The following SPAG16 variants were observed in gnomAD, a reference collection of about 807,000 sequenced individuals.
SPAG16 encodes sperm associated antigen 16, also known as sperm-associated antigen 16 protein.
A neutral mutation model predicts 80.4 loss-of-function variants in SPAG16; 86 were observed. The observed-to-expected ratio is 1.07, with a 90% CI of 0.90 to 1.28. The LOEUF (loss-of-function observed/expected upper bound fraction) is 1.28. Among genes scored for constraint, SPAG16 ranks in the 50% most tolerant of loss-of-function variants. The pLI is 0.00. For missense variants in SPAG16, 870 were observed against 765.3 expected (o/e 1.14, Z -1.61); for synonymous variants, 294 against 265.9 (o/e 1.11, Z -1.03).
At chr2:214,015,424 C>A (rs769245258) in intron 13 of SPAG16, among the ~76,000 whole-genome samples, 10 of 151,958 alleles carry the variant, frequency 6.6e-5, no homozygotes, top group Non-Finnish European at 1.0e-4. Flanking sequence ...CATGGTGAAA[C>A]CCCATCTCTA....
intron 12 of SPAG16, among the ~76,000 whole-genome samples, chr2:213,967,861 TGAA>T (rs2044786603): frequency 6.6e-6 from 1 of 152,322 alleles, no homozygotes; most frequent in East Asian, 1.9e-4. Context: ...TTATGGGACT[TGAA>T]GAACCATAGC....
At chr2:213,945,515 G>A (rs1305210084) in intron 12 of SPAG16, among the ~76,000 whole-genome samples, 2 of 151,948 alleles carry the variant, frequency 1.3e-5, no homozygotes, top group Admixed American at 1.3e-4. Flanking sequence ...TAGGCTGGGA[G>A]GCTAGGCCAG....
chr2:213,764,941 C>T (rs1446736097), intron 10 of SPAG16, among the ~76,000 whole-genome samples: 1 of 152,158 alleles, frequency 6.6e-6, no homozygotes, highest in Admixed American at 6.5e-5. Context: ...ATTATAAATG[C>T]TTGACTCAAG....
chr2:213,629,043 C>G (rs1030035697), intron 10 of SPAG16, among the ~76,000 whole-genome samples: 6 of 152,098 alleles, frequency 3.9e-5, no homozygotes, highest in Non-Finnish European at 1.5e-5. Flanking sequence ...AGAGCTCTGA[C>G]AGAGGTAAGG....
At chr2:213,304,476 T>C (rs1207779208) in intron 3 of SPAG16, among the ~76,000 whole-genome samples, 1 of 152,048 alleles carries the variant, frequency 6.6e-6, no homozygotes, top group Non-Finnish European at 1.5e-5. Flanking sequence ...AGAGTTTCTT[T>C]TGGGAGTTTT....
At chr2:213,957,646 T>A (rs1463777999) in intron 12 of SPAG16, among the ~76,000 whole-genome samples, 1 of 152,198 alleles carries the variant, frequency 6.6e-6, no homozygotes, top group East Asian at 1.9e-4. Context: ...CTTTTCCATA[T>A]ACCTTATAAA....
At chr2:213,810,961 G>T (rs892792242) in intron 10 of SPAG16, among the ~76,000 whole-genome samples, 7 of 152,288 alleles carry the variant, frequency 4.6e-5, no homozygotes, top group African/African-American at 1.7e-4. Context: ...GAGGATTGTG[G>T]TGTAGCTGTT....
intron 11 of SPAG16, among the ~76,000 whole-genome samples, chr2:213,908,823 G>A (rs536270872): frequency 2.7e-5 from 4 of 148,748 alleles, no homozygotes; most frequent in African/African-American, 9.9e-5. Flanking sequence ...TGCACAATGT[G>A]CAGGTTAGTT....
chr2:213,724,802 GAA>G (rs1221361058), intron 10 of SPAG16, among the ~76,000 whole-genome samples: 1 of 93,812 alleles, frequency 1.1e-5, no homozygotes, highest in Non-Finnish European at 1.8e-5. Flanking sequence ...AAAAAAAAAA[GAA>G]AAAAGGATAA....
intron 10 of SPAG16, among the ~76,000 whole-genome samples, chr2:213,748,965 G>A (rs1000090000): frequency 1.3e-5 from 2 of 152,074 alleles, no homozygotes; most frequent in Admixed American, 6.5e-5. Context: ...TGGCCAACAA[G>A]GTGAAACCCT....
intron 9 of SPAG16, among the ~76,000 whole-genome samples, chr2:213,466,238 C>G (rs982616291): frequency 7.2e-5 from 11 of 152,106 alleles, no homozygotes; most frequent in African/African-American, 2.7e-4. Flanking sequence ...AATAAAGTCC[C>G]CTTTATATAT....
intron 10 of SPAG16, among the ~76,000 whole-genome samples, chr2:213,643,346 TTTTATATATATATA>T (rs60365919): frequency 0.018 from 1,307 of 72,536 alleles, 190 homozygotes; most frequent in East Asian, 0.042. Context: ...TGGATCTTAA[TTTTATATATATATA>T]TATATATATA....
At chr2:213,948,318 T>C (rs887564903) in intron 12 of SPAG16, among the ~76,000 whole-genome samples, 1 of 152,122 alleles carries the variant, frequency 6.6e-6, no homozygotes, top group Non-Finnish European at 1.5e-5. Flanking sequence ...TGCATATAAT[T>C]CAAAATTTAA....
chr2:213,457,132 T>C (rs1292547201), intron 9 of SPAG16, among the ~76,000 whole-genome samples: 1 of 152,234 alleles, frequency 6.6e-6, no homozygotes, highest in Admixed American at 6.5e-5. Context: ...CACTTAACGT[T>C]GCATGTTTTT....
At chr2:213,369,989 C>T (rs1468536815) in intron 8 of SPAG16, among the ~76,000 whole-genome samples, 2 of 152,120 alleles carry the variant, frequency 1.3e-5, no homozygotes, top group African/African-American at 2.4e-5. Context: ...GACGTGTATC[C>T]AACATTATAG....
intron 13 of SPAG16, among the ~76,000 whole-genome samples, chr2:214,092,935 A>T (rs1461133564): frequency 1.3e-5 from 2 of 152,116 alleles, no homozygotes; most frequent in Non-Finnish European, 2.9e-5. Context: ...TTTTTATGGC[A>T]GCAGCTAAAT....
At chr2:213,677,725 C>T (rs574739142) in intron 10 of SPAG16, among the ~76,000 whole-genome samples, 2 of 152,266 alleles carry the variant, frequency 1.3e-5, no homozygotes, top group African/African-American at 4.8e-5. Context: ...AAAAGGTCAA[C>T]AAGGATACCC....
At chr2:214,100,349 AT>A (rs1339593277) in intron 13 of SPAG16, among the ~76,000 whole-genome samples, 5 of 151,894 alleles carry the variant, frequency 3.3e-5, no homozygotes, top group Admixed American at 2.0e-4. Flanking sequence ...TCAAAAAGGC[AT>A]TTTTTTTGTT....
chr2:213,954,944 T>G (rs1181876734), intron 12 of SPAG16, among the ~76,000 whole-genome samples: 1 of 152,204 alleles, frequency 6.6e-6, no homozygotes, highest in Non-Finnish European at 1.5e-5. Flanking sequence ...ATTTTATTCA[T>G]GTGCATGTCT....
Sources: gnomAD v4.1 joint callset for allele counts (sites outside exome capture counted in the v4.1 genomes callset) on GRCh38, gnomAD v4.1.1 for gene constraint, MANE v1.5 for transcripts, NCBI Gene and HGNC (gene_info 2026-07-23, HGNC 2026-07-21) for gene names.